The following PCDHA4 variants were observed in gnomAD, a reference collection of about 807,000 sequenced individuals.
The protein encoded by PCDHA4 is protocadherin alpha 4.
A neutral mutation model predicts 61.4 loss-of-function variants in PCDHA4; 49 were observed. The ratio of observed to expected loss-of-function variants is 0.80; its 90% CI spans 0.63 to 1.01. The LOEUF (loss-of-function observed/expected upper bound fraction) is 1.01. Ranked by LOEUF, PCDHA4 falls within the 50% of genes least tolerant of loss-of-function variation. The probability of loss-of-function intolerance (pLI) is 0.00; values close to 1 mark genes in which losing one functional copy is unlikely to be tolerated. For missense variants in PCDHA4, 1,254 were observed against 1,235.8 expected, an observed-to-expected ratio of 1.01 and a Z score of -0.22; for synonymous variants, 590 against 550.3, an observed-to-expected ratio of 1.07 and a Z score of -1.01.
chr5:140,985,716 A>G (rs960879186), intron 3 of PCDHA4, among the ~76,000 whole-genome samples: 7 of 113,758 alleles, frequency 6.2e-5, no homozygotes, highest in Admixed American at 2.6e-4. Flanking sequence ...TCTTAAAGTT[A>G]TTTTTCCTTC....
intron 1 of PCDHA4, chr5:140,966,193 G>C (rs1554228123): frequency 4.8e-6 from 1 of 207,392 alleles, no homozygotes; most frequent in Non-Finnish European, 9.5e-6. Flanking sequence ...CAGACTTCTA[G>C]GGGCTTGACT....
chr5:140,967,088 GAGGCGCTGTGTGAGC>G, intron 1 of PCDHA4: 1 of 1,613,226 alleles, frequency 6.2e-7, no homozygotes, highest in Non-Finnish European at 8.5e-7. Context: ...CATTGATCGG[GAGGCGCTGTGTGAGC>G]AGCGGCCTCG....
chr5:140,913,219 C>A (rs2076256091), intron 1 of PCDHA4, among the ~76,000 whole-genome samples: 2 of 152,122 alleles, frequency 1.3e-5, no homozygotes, highest in Non-Finnish European at 2.9e-5. Context: ...GGGTCCCAGG[C>A]TTTACTTTGC....
At chr5:140,819,439 A>C (rs1299042347) in intron 1 of PCDHA4, among the ~76,000 whole-genome samples, 2 of 152,158 alleles carry the variant, frequency 1.3e-5, no homozygotes, top group African/African-American at 4.8e-5. Context: ...TTTAAATCTA[A>C]ATTTTTTTCT....
intron 1 of PCDHA4, chr5:140,853,906 C>G: frequency 1.0e-6 from 1 of 955,174 alleles, no homozygotes; most frequent in Non-Finnish European, 1.3e-6. Flanking sequence ...GGTGGCCTGA[C>G]ACCTGCAATC....
intron 1 of PCDHA4, chr5:140,969,215 C>A (rs782320507): frequency 6.2e-7 from 1 of 1,614,010 alleles, no homozygotes; most frequent in Admixed American, 1.7e-5. Context: ...CCAGACAGGA[C>A]CAGGGCCTTC....
At chr5:140,875,235 A>G in intron 1 of PCDHA4, 1 of 869,906 alleles carries the variant, frequency 1.1e-6, no homozygotes, top group South Asian at 2.5e-5. Context: ...TCTTTCTTGT[A>G]CTTACATAAT....
chr5:140,898,794 T>C (rs1487494121), intron 1 of PCDHA4, among the ~76,000 whole-genome samples: 4 of 152,236 alleles, frequency 2.6e-5, no homozygotes, highest in Non-Finnish European at 4.4e-5. Context: ...ATGGCCATTT[T>C]CACGATACTG....
intron 1 of PCDHA4, chr5:140,850,770 T>A: frequency 6.3e-7 from 1 of 1,598,038 alleles, no homozygotes; most frequent in Non-Finnish European, 8.6e-7. Context: ...GCAGAGGGTG[T>A]GCTCTGGCGA....
intron 1 of PCDHA4, chr5:140,821,850 A>T: frequency 6.2e-7 from 1 of 1,614,180 alleles, no homozygotes; most frequent in Non-Finnish European, 8.5e-7. Flanking sequence ...ACTGGAAGGC[A>T]GGGAGCGGCC....
rs199941722 is a variant in PCDHA4 at position 140,828,275 on chromosome 5, C to T, written c.2385+18703C>T. Reference sequence around the variant, plus strand: ...GCTGGAGCTGGCGGAGCTGGTGCCGCGCCTGTTCAGGATGGCCTCCAAAGA... The same window carrying T: ...GCTGGAGCTGGCGGAGCTGGTGCCGTGCCTGTTCAGGATGGCCTCCAAAGA... On this transcript the variant is annotated intron_variant, in intron 1 of 3. Transcript: ENST00000530339. The T allele has an allele frequency of 3.1e-6, 5 of 1,614,064 alleles. No homozygotes were observed. The Admixed American group carries it at 6.7e-5, about 22-fold the overall frequency.
chr5:140,857,243 A>G (rs2044443964), intron 1 of PCDHA4: 1 of 1,598,366 alleles, frequency 6.3e-7, no homozygotes, highest in African/African-American at 1.3e-5. Flanking sequence ...GCTGGTGTCC[A>G]CCTACAAGAA....
chr5:140,808,161 A>C lies in PCDHA4; in HGVS notation c.974A>C (p.Lys325Thr), dbSNP rs1554124432. Reference protein sequence around the residue: ...SYEIIVEGIDKGQLPLSGHCR... With the variant: ...SYEIIVEGIDTGQLPLSGHCR... ...GAAATTATTGTAGAGGGCATTGATA[A>C]GGGACAGCTCCCACTTTCTGGCCAT... Residue 325 changes from lysine (K) to threonine (T), a missense_variant, in exon 1 of 4, where the codon AAG becomes ACG. By Grantham distance (78) the Lys-to-Thr change is moderately conservative (BLOSUM62 -1). Transcript: ENST00000530339. 2 of 1,614,222 alleles carry C rather than the reference A, an allele frequency of 1.2e-6. No homozygotes were observed. The highest frequency in any genetic ancestry group is 1.7e-6 in the Non-Finnish European group (2 of 1,180,016).
rs2150186603 is a variant in PCDHA4 at position 140,830,447 on chromosome 5, G to C, written c.2385+20875G>C. 46 of 1,601,744 alleles carry C rather than the reference G, an allele frequency of 2.9e-5. No homozygotes were observed. In the East Asian group the frequency reaches 1.0e-3, roughly 35 times the overall value. On this transcript the variant is annotated intron_variant, in intron 1 of 3. Coordinates refer to ENST00000530339, the MANE Select transcript of PCDHA4 (RefSeq NM_018907.4). ...ACCTTGTCCTATTATGATGGGTAAG[G>C]CGGAGAATCAGGATTTAAATGAAGA...
intron 3 of PCDHA4, among the ~76,000 whole-genome samples, chr5:140,998,708 GC>G (rs1350967952): frequency 1.3e-5 from 2 of 152,024 alleles, no homozygotes; most frequent in Admixed American, 6.6e-5. Context: ...GGGATTACAA[GC>G]TTGCACCACC....
intron 1 of PCDHA4, chr5:140,824,397 TAATTGTAA>T: frequency 1.8e-6 from 1 of 549,260 alleles, no homozygotes; most frequent in Non-Finnish European, 3.2e-6. Context: ...TGTAGGATAA[TAATTGTAA>T]GACATAGTTT....
rs558389511 is a variant in PCDHA4, at chr5:140,809,383, C to T, written c.2196C>T (p.Cys732=). The T allele has an allele frequency of 1.9e-6, 3 of 1,614,038 alleles. No individual in the cohort carries two copies. Among genetic ancestry groups the T allele is most frequent in the African/African-American group, 1.3e-5 (1 of 75,072 alleles). ...CTGCGCTGCCCACCGAGGGCGCGTG[C>T]GCTCCGGGCAAGCCCACGCTGGTGT... ...RCSALPTEGA[C]APGKPTLVCS... Residue 732 remains cysteine, a synonymous_variant, in exon 1 of 4, where the codon TGC becomes TGT. Transcript: ENST00000530339.
intron 1 of PCDHA4, among the ~76,000 whole-genome samples, chr5:140,880,149 A>G (rs1347832078): frequency 1.3e-5 from 2 of 152,266 alleles, no homozygotes; most frequent in Non-Finnish European, 2.9e-5. Flanking sequence ...AGTGCAATAT[A>G]TCAAGTATAT....
At chr5:140,834,099 A>C in intron 1 of PCDHA4, 1 of 391,774 alleles carries the variant, frequency 2.6e-6, no homozygotes, top group Non-Finnish European at 4.5e-6. Context: ...CAATGAAGAA[A>C]AAAATTCAGA....
Sources: gnomAD v4.1 joint callset for allele counts (sites outside exome capture counted in the v4.1 genomes callset) on GRCh38, gnomAD v4.1.1 for gene constraint, MANE v1.5 for transcripts, NCBI Gene and HGNC (gene_info 2026-07-23, HGNC 2026-07-21) for gene names.